Variants in TMEM135 observed in about 807,000 individuals in gnomAD.
TMEM135 encodes transmembrane protein 135.
TMEM135 carries 30 observed loss-of-function variants against 60.3 expected under a neutral mutation model. The observed-to-expected ratio is 0.50, with a 90% CI of 0.37 to 0.68. TMEM135 has a LOEUF of 0.68. Among genes scored for constraint, TMEM135 ranks in the 30% least tolerant of loss-of-function variants. The probability of loss-of-function intolerance (pLI) is 0.00; values close to 1 mark genes in which losing one functional copy is unlikely to be tolerated. For missense variants in TMEM135, 468 were observed against 548.8 expected (o/e 0.85, Z 1.47); for synonymous variants, 190 against 186.7 (o/e 1.02, Z -0.14).
intron 5 of TMEM135, among the ~76,000 whole-genome samples, chr11:87,228,600 A>G (rs1168394790): frequency 1.3e-5 from 2 of 152,166 alleles, no homozygotes; most frequent in Non-Finnish European, 2.9e-5. Flanking sequence ...AGCTAGGTTC[A>G]CTACTCACTA....
chr11:87,167,894 C>T (rs1939106016), intron 5 of TMEM135, among the ~76,000 whole-genome samples: 1 of 152,156 alleles, frequency 6.6e-6, no homozygotes, highest in Non-Finnish European at 1.5e-5. Flanking sequence ...GTACGAGCTC[C>T]TCTTTGTACC....
At chr11:87,272,247 G>C (rs772598181) in intron 6 of TMEM135, among the ~76,000 whole-genome samples, 2 of 151,062 alleles carry the variant, frequency 1.3e-5, no homozygotes, top group African/African-American at 2.4e-5. Flanking sequence ...GTAGAGACGG[G>C]GTTTCACCAG....
chr11:87,188,764 A>G (rs972058569), intron 5 of TMEM135, among the ~76,000 whole-genome samples: 1 of 152,078 alleles, frequency 6.6e-6, no homozygotes, highest in African/African-American at 2.4e-5. Context: ...ATTTCAAAAT[A>G]TGTAAAAATG....
intron 6 of TMEM135, among the ~76,000 whole-genome samples, chr11:87,271,572 A>C (rs565662098): frequency 9.2e-6 from 1 of 109,102 alleles, no homozygotes; most frequent in African/African-American, 3.5e-5. Flanking sequence ...AAATATTAAT[A>C]ATATTTTATA....
At chr11:87,098,839 C>T (rs1454951996) in intron 4 of TMEM135, among the ~76,000 whole-genome samples, 1 of 152,044 alleles carries the variant, frequency 6.6e-6, no homozygotes, top group African/African-American at 2.4e-5. Context: ...CAGGCACCCA[C>T]CACCACGCCC....
chr11:87,148,481 G>A (rs1043362193), intron 4 of TMEM135, among the ~76,000 whole-genome samples: 40 of 152,248 alleles, frequency 2.6e-4, no homozygotes, highest in African/African-American at 7.9e-4. Context: ...AGAAGGTACC[G>A]AAAAAGAATT....
At chr11:87,156,977 A>G (rs1192704562) in intron 4 of TMEM135, among the ~76,000 whole-genome samples, 1 of 151,978 alleles carries the variant, frequency 6.6e-6, no homozygotes, top group Non-Finnish European at 1.5e-5. Context: ...TGTGATTATG[A>G]TATTTCTGGG....
chr11:87,311,455 G>A (rs974890885), intron 10 of TMEM135, among the ~76,000 whole-genome samples: 19 of 151,938 alleles, frequency 1.3e-4, no homozygotes, highest in Non-Finnish European at 2.2e-4. Context: ...AATTTCTCAC[G>A]TTATAGCATT....
chr11:87,041,960 A>C (rs1949753702), intron 1 of TMEM135, among the ~76,000 whole-genome samples: 1 of 152,254 alleles, frequency 6.6e-6, no homozygotes, highest in Non-Finnish European at 1.5e-5. Context: ...GAAATGGAGA[A>C]GTTCTAAAGA....
intron 4 of TMEM135, among the ~76,000 whole-genome samples, chr11:87,118,745 C>T (rs1036289919): frequency 6.6e-6 from 1 of 152,236 alleles, no homozygotes; most frequent in Admixed American, 6.5e-5. Flanking sequence ...CCCAGCCCTT[C>T]CTGTAGCTTC....
At chr11:87,054,414 C>CA (rs1451371920) in intron 1 of TMEM135, among the ~76,000 whole-genome samples, 1 of 151,674 alleles carries the variant, frequency 6.6e-6, no homozygotes, top group Non-Finnish European at 1.5e-5. Context: ...AGCCTGGCAA[C>CA]AGAGTGAGAC....
At chr11:87,063,984 G>C (rs10898590) in intron 1 of TMEM135, among the ~76,000 whole-genome samples, 1 of 152,152 alleles carries the variant, frequency 6.6e-6, no homozygotes, top group Non-Finnish European at 1.5e-5. Flanking sequence ...CTGAGTTATG[G>C]GGTAGACATT....
chr11:87,250,485 A>G (rs988547699), intron 6 of TMEM135, among the ~76,000 whole-genome samples: 3 of 151,446 alleles, frequency 2.0e-5, no homozygotes, highest in Non-Finnish European at 4.4e-5. Flanking sequence ...TTGTGTTTCC[A>G]TTTTCATTTG....
chr11:87,299,045 G>A (rs898234087), intron 7 of TMEM135, among the ~76,000 whole-genome samples: 2 of 152,042 alleles, frequency 1.3e-5, no homozygotes, highest in African/African-American at 2.4e-5. Context: ...CCGAGATTGC[G>A]CCACTGCACT....
At position 87,324,413 on chromosome 11, in the gene TMEM135, T is replaced by TC. The variant is rs1232015315; in HGVS notation, c.*3082dup. 1 of 453,846 alleles carries TC rather than the reference T, an allele frequency of 2.2e-6. No individual in the cohort carries two copies. 28.1% of individuals were successfully genotyped at this position (453,846 alleles called of 1,614,324 possible). A position where few individuals can be genotyped will look rare whatever the true frequency, so the allele number is the denominator to read the frequency against. On this transcript the variant is annotated 3_prime_UTR_variant, in exon 15 of 15. Transcript: ENST00000305494. ...ATTAGCCCAGAGATTCCTTAAATTC[T>TC]CCGTGTGATTTATTTTTTTATTTTT...
intron 3 of TMEM135, among the ~76,000 whole-genome samples, chr11:87,081,405 G>A (rs1205047759): frequency 6.6e-6 from 1 of 150,824 alleles, no homozygotes; most frequent in Non-Finnish European, 1.5e-5. Context: ...GTTTCTTAAT[G>A]TTACCATTTT....
intron 1 of TMEM135, among the ~76,000 whole-genome samples, chr11:87,059,042 A>G (rs1011135235): frequency 2.0e-5 from 3 of 151,618 alleles, no homozygotes; most frequent in Admixed American, 6.6e-5. Context: ...GGTTCAAGCA[A>G]TTCTCCTGCC....
Position 87,236,661 on chromosome 11 carries a change from T to G in TMEM135, c.486T>G (p.Ala162=). The G allele has an allele frequency of 1.9e-6, 3 of 1,612,486 alleles. No individual in the cohort carries two copies. Among genetic ancestry groups the G allele is most frequent in the Non-Finnish European group, 2.5e-6 (3 of 1,178,964 alleles). Residue 162 remains alanine (A), a synonymous_variant, in exon 6 of 15, where the codon GCT becomes GCG. Coordinates refer to ENST00000305494, the MANE Select transcript of TMEM135 (RefSeq NM_022918.4). ...AGGTCCTTTTGTTTTGCATCACAGC[T>G]GCCATGTACATGTTCTTTTTCAGGT... ...NGEVLLFCIT[A]AMYMFFFRCK...
At chr11:87,189,376 G>A (rs958090201) in intron 5 of TMEM135, among the ~76,000 whole-genome samples, 1 of 152,028 alleles carries the variant, frequency 6.6e-6, no homozygotes, top group Admixed American at 6.6e-5. Context: ...GGCCAGGCTG[G>A]TCTCAAACTC....
Sources: gnomAD v4.1 joint callset for allele counts (sites outside exome capture counted in the v4.1 genomes callset) on GRCh38, gnomAD v4.1.1 for gene constraint, MANE v1.5 for transcripts, NCBI Gene and HGNC (gene_info 2026-07-23, HGNC 2026-07-21) for gene names.